ALK: variants seen among roughly 807,000 people sequenced by gnomAD.
ALK encodes the protein ALK tyrosine kinase receptor.
In ALK, 74 loss-of-function variants were observed where a neutral mutation model predicts 163.1. The observed-to-expected ratio is 0.45, with a 90% CI of 0.38 to 0.55. The LOEUF (loss-of-function observed/expected upper bound fraction) is 0.55, where lower values mean the gene tolerates loss of function less well. Among genes scored for constraint, ALK ranks in the 20% least tolerant of loss-of-function variants. The pLI, the probability that ALK is intolerant of heterozygous loss-of-function variation, is 0.00. For missense variants in ALK, 2,063 were observed against 2,105.3 expected (o/e 0.98, Z 0.39); for synonymous variants, 960 against 843.2 (o/e 1.14, Z -2.40).
intron 4 of ALK, among the ~76,000 whole-genome samples, chr2:29,401,357 G>A (rs763631416): frequency 4.6e-5 from 7 of 152,138 alleles, no homozygotes; most frequent in Middle Eastern, 3.2e-3. Flanking sequence ...AAGCACCACA[G>A]GACTCTCCAG....
intron 5 of ALK, among the ~76,000 whole-genome samples, chr2:29,343,722 G>A (rs1413791957): frequency 6.6e-6 from 1 of 152,160 alleles, no homozygotes; most frequent in Non-Finnish European, 1.5e-5. Context: ...GATACATGTG[G>A]ATGACAATTT....
At chr2:29,745,096 A>G (rs571219676) in intron 1 of ALK, among the ~76,000 whole-genome samples, 1 of 152,324 alleles carries the variant, frequency 6.6e-6, no homozygotes, top group Admixed American at 6.5e-5. Context: ...GCCCCACAGG[A>G]AAGTGTGCTT....
chr2:29,604,068 C>G (rs547989651), intron 3 of ALK, among the ~76,000 whole-genome samples: 6 of 152,122 alleles, frequency 3.9e-5, no homozygotes, highest in Admixed American at 3.9e-4. Flanking sequence ...CCTCTGTATA[C>G]TCAGGGTCTA....
At chr2:29,411,815 C>A (rs762729460) in intron 4 of ALK, among the ~76,000 whole-genome samples, 7 of 152,204 alleles carry the variant, frequency 4.6e-5, no homozygotes, top group Non-Finnish European at 8.8e-5. Context: ...CCACGTTAAA[C>A]TTATTTGCCA....
chr2:29,340,000 T>C (rs939243916), intron 5 of ALK, among the ~76,000 whole-genome samples: 3 of 152,226 alleles, frequency 2.0e-5, no homozygotes, highest in African/African-American at 7.2e-5. Flanking sequence ...GTAGTCTCCA[T>C]AGCCCCTTTA....
chr2:29,433,435 T>C (rs1409913767), intron 4 of ALK, among the ~76,000 whole-genome samples: 2 of 152,174 alleles, frequency 1.3e-5, no homozygotes, highest in African/African-American at 4.8e-5. Context: ...ATACTATATC[T>C]GAGAGAATAC....
intron 4 of ALK, among the ~76,000 whole-genome samples, chr2:29,447,378 C>T (rs1344878050): frequency 1.3e-5 from 2 of 152,014 alleles, no homozygotes; most frequent in East Asian, 1.9e-4. Flanking sequence ...AGAGAGTCCA[C>T]GCAGAACAGG....
intron 8 of ALK, among the ~76,000 whole-genome samples, chr2:29,299,543 G>A (rs1666306385): frequency 6.6e-6 from 1 of 152,180 alleles, no homozygotes; most frequent in Non-Finnish European, 1.5e-5. Flanking sequence ...TCTCTAAGAT[G>A]AGAATAGTTT....
chr2:29,815,073 T>A (rs1045201273), intron 1 of ALK, among the ~76,000 whole-genome samples: 2 of 148,992 alleles, frequency 1.3e-5, no homozygotes, highest in Non-Finnish European at 3.0e-5. Context: ...TGGAAAATCA[T>A]AGAAATCTAG....
chr2:29,276,685 A>G (rs533309984), intron 9 of ALK, among the ~76,000 whole-genome samples: 79 of 152,320 alleles, frequency 5.2e-4, no homozygotes, highest in African/African-American at 1.9e-3. Flanking sequence ...TATAAAATGG[A>G]TGGACCTCAA....
chr2:29,221,285 AGG>A (rs1669798780), intron 22 of ALK: 1 of 512,660 alleles, frequency 2.0e-6, no homozygotes, highest in African/African-American at 1.9e-5. Context: ...AGCCAGCAAA[AGG>A]GGATGGCCTC....
intron 3 of ALK, among the ~76,000 whole-genome samples, chr2:29,616,387 C>T (rs549524844): frequency 6.6e-6 from 1 of 152,246 alleles, no homozygotes; most frequent in East Asian, 1.9e-4. Context: ...CTCAAATTCC[C>T]TATCTAGGAA....
chr2:29,809,795 G>A (rs899876617), intron 1 of ALK, among the ~76,000 whole-genome samples: 2 of 152,230 alleles, frequency 1.3e-5, no homozygotes, highest in African/African-American at 4.8e-5. Context: ...AGAGCAACTA[G>A]TATTGTCCAG....
intron 2 of ALK, among the ~76,000 whole-genome samples, chr2:29,698,534 A>G (rs1417066391): frequency 6.6e-6 from 1 of 152,190 alleles, no homozygotes; most frequent in African/African-American, 2.4e-5. Context: ...TCTTCCAATG[A>G]AAGATGACCT....
At chr2:29,832,735 G>A (rs564375340) in intron 1 of ALK, among the ~76,000 whole-genome samples, 1 of 152,282 alleles carries the variant, frequency 6.6e-6, no homozygotes, top group Admixed American at 6.5e-5. Flanking sequence ...AAATACTTAG[G>A]GAACACCTAC....
intron 1 of ALK, among the ~76,000 whole-genome samples, chr2:29,779,512 G>T (rs932014644): frequency 6.6e-6 from 1 of 152,186 alleles, no homozygotes; most frequent in Non-Finnish European, 1.5e-5. Context: ...TCAAGCCAAG[G>T]CTCTCTCTTC....
At chr2:29,588,342 C>T (rs776014310) in intron 3 of ALK, among the ~76,000 whole-genome samples, 8 of 152,040 alleles carry the variant, frequency 5.3e-5, no homozygotes, top group East Asian at 1.9e-4. Flanking sequence ...GCGATTCTTG[C>T]GTCTCAGCCT....
intron 11 of ALK, among the ~76,000 whole-genome samples, chr2:29,274,699 C>T (rs1373301725): frequency 6.6e-6 from 1 of 152,104 alleles, no homozygotes; most frequent in East Asian, 1.9e-4. Flanking sequence ...GGGTAGCCTA[C>T]CTTTGTGCAA....
At chr2:29,661,857 TTA>T (rs1291665263) in intron 3 of ALK, among the ~76,000 whole-genome samples, 2 of 152,302 alleles carry the variant, frequency 1.3e-5, no homozygotes, top group East Asian at 3.9e-4. Context: ...TGTTGAACTC[TTA>T]TATGTTTATG....
Sources: allele counts gnomAD v4.1 joint callset (sites outside exome capture counted in the v4.1 genomes callset), GRCh38; gene constraint gnomAD v4.1.1; transcripts MANE v1.5; gene names NCBI Gene and HGNC (gene_info 2026-07-23, HGNC 2026-07-21).